Variants in PRDM10 observed in about 807,000 individuals in gnomAD.
The protein encoded by PRDM10 is PR domain zinc finger protein 10.
Under a neutral mutation model 133.1 loss-of-function variants are expected in PRDM10, and 65 were observed. The observed-to-expected ratio is 0.49, with a 90% confidence interval of 0.40 to 0.60. PRDM10 has a LOEUF of 0.60. PRDM10 is among the 20% of genes least tolerant of loss of function. The pLI is 0.00. For synonymous variants in PRDM10, 582 were observed against 580.4 expected, an observed-to-expected ratio of 1.00 and a Z score of -0.04; for missense variants, 1,137 against 1,507.1, an observed-to-expected ratio of 0.75 and a Z score of 4.07.
chr11:129,978,770 T>C (rs1937933302), intron 1 of PRDM10, among the ~76,000 whole-genome samples: 1 of 152,224 alleles, frequency 6.6e-6, no homozygotes, highest in African/African-American at 2.4e-5. Context: ...GGCACACCTT[T>C]CTTCATGCCT....
chr11:129,949,808 C>G (rs1041655960), intron 4 of PRDM10, among the ~76,000 whole-genome samples: 1 of 151,688 alleles, frequency 6.6e-6, no homozygotes, highest in Non-Finnish European at 1.5e-5. Context: ...GTAGCGGGTG[C>G]CTGTAATCCC....
At chr11:129,993,766 G>A (rs1320372785) in intron 1 of PRDM10, among the ~76,000 whole-genome samples, 2 of 152,170 alleles carry the variant, frequency 1.3e-5, no homozygotes, top group Admixed American at 1.3e-4. Context: ...TTACAGGCGT[G>A]AGCCACCGCG....
intron 19 of PRDM10, among the ~76,000 whole-genome samples, chr11:129,906,327 C>T (rs1271859952): frequency 1.3e-5 from 2 of 152,052 alleles, no homozygotes; most frequent in Non-Finnish European, 2.9e-5. Context: ...CAAGACGTGA[C>T]GAAAGGCTAT....
At chr11:130,002,120 C>T (rs1044456204) in intron 1 of PRDM10, among the ~76,000 whole-genome samples, 1 of 150,558 alleles carries the variant, frequency 6.6e-6, no homozygotes, top group Admixed American at 6.6e-5. Flanking sequence ...GAGCCCTGCC[C>T]GCACTGCCAC....
chr11:129,938,492 C>T (rs1374608744), intron 7 of PRDM10, among the ~76,000 whole-genome samples: 3 of 152,146 alleles, frequency 2.0e-5, no homozygotes, highest in Non-Finnish European at 4.4e-5. Context: ...GCAAGGACTA[C>T]CGCTCCCTCG....
Position 129,918,523 on chromosome 11 carries a change from G to A in PRDM10, c.2214+16C>T, listed in dbSNP as rs374231801. 2 of 1,608,190 alleles carry A rather than the reference G, an allele frequency of 1.2e-6. No homozygotes were observed. The highest frequency in any genetic ancestry group is 3.4e-5 in the Admixed American group (2 of 59,006). ...TGCTGGGAAGACAGAGGAACCCGCA[G>A]CCACTGGGCACTGACCAGCATGCCG... On this transcript the variant is annotated intron_variant, in intron 14 of 20. Coordinates refer to ENST00000360871, the MANE Select transcript of PRDM10 (RefSeq NM_199437.2). The surrounding 1 kb of genome is among the most constrained non-coding windows in gnomAD (Gnocchi z 5.3).
intron 18 of PRDM10, among the ~76,000 whole-genome samples, chr11:129,911,023 G>A (rs10791056): frequency 0.17 from 25,196 of 152,096 alleles, 3,161 homozygotes; most frequent in East Asian, 0.45. Context: ...TGATCCACCC[G>A]CCTCGGCCTC....
Position 129,957,607 on chromosome 11 carries a change from G to A in PRDM10, c.234+139C>T, listed in dbSNP as rs1042843423. On this transcript the variant is annotated intron_variant, in intron 3 of 20. Transcript: ENST00000360871. ...GCTGGGATTACAGGCATGAGCCACC[G>A]CGCCTGGCTGAGAGCACAGATCTTA... The A allele has an allele frequency of 2.4e-5, 25 of 1,042,558 alleles. No homozygotes were observed. In the South Asian group the frequency reaches 2.7e-4, roughly 11 times the overall value. The allele number at this position is 1,042,558 out of a possible 1,614,324, so 64.6% of individuals were successfully genotyped here.
chr11:129,987,497 A>G (rs1478438483), intron 1 of PRDM10, among the ~76,000 whole-genome samples: 2 of 152,236 alleles, frequency 1.3e-5, no homozygotes, highest in Admixed American at 6.5e-5. Flanking sequence ...AAGACTAAAC[A>G]TAGACACACC....
intron 2 of PRDM10, 28 bp downstream of exon 2, chr11:129,960,868 T>C: frequency 6.2e-7 from 1 of 1,613,338 alleles, no homozygotes; most frequent in Admixed American, 1.7e-5. Context: ...AACCTCTCAA[T>C]ACCAAGCTGG....
intron 10 of PRDM10, among the ~76,000 whole-genome samples, chr11:129,931,606 T>TG (rs1950865300): frequency 1.3e-5 from 2 of 151,392 alleles, no homozygotes; most frequent in Admixed American, 6.6e-5. Flanking sequence ...TCTCGCTCTG[T>TG]CCCCAGGCTG....
intron 1 of PRDM10, among the ~76,000 whole-genome samples, chr11:129,977,400 C>T (rs1266544181): frequency 6.6e-6 from 1 of 152,140 alleles, no homozygotes; most frequent in Non-Finnish European, 1.5e-5. Flanking sequence ...TATCCTGCCT[C>T]AGCCTCCCCA....
At chr11:129,992,365 T>A (rs562106667) in intron 1 of PRDM10, among the ~76,000 whole-genome samples, 7 of 152,248 alleles carry the variant, frequency 4.6e-5, no homozygotes, top group African/African-American at 1.7e-4. Flanking sequence ...TTTAAATACC[T>A]GATCTCAATT....
intron 1 of PRDM10, among the ~76,000 whole-genome samples, chr11:129,971,233 A>G (rs183308068): frequency 6.6e-6 from 1 of 152,300 alleles, no homozygotes; most frequent in African/African-American, 2.4e-5. Context: ...CAAAGCTCCC[A>G]CGGTGTGGAA....
At chr11:129,909,965 T>C (rs1950134405) in intron 19 of PRDM10, among the ~76,000 whole-genome samples, 2 of 152,230 alleles carry the variant, frequency 1.3e-5, no homozygotes, top group South Asian at 4.1e-4. Flanking sequence ...GCCTTATCTG[T>C]AAAATGCAAA....
intron 1 of PRDM10, among the ~76,000 whole-genome samples, chr11:129,986,114 A>G (rs1389095096): frequency 6.6e-6 from 1 of 151,962 alleles, no homozygotes; most frequent in African/African-American, 2.4e-5. Context: ...TGTGCCTCCA[A>G]CCTGTATTAG....
intron 19 of PRDM10, 28 bp downstream of exon 19, chr11:129,910,448 C>G: frequency 6.2e-7 from 1 of 1,612,822 alleles, no homozygotes; most frequent in Non-Finnish European, 8.5e-7. Context: ...CACCCCTGAC[C>G]GACACGGCAT....
intron 3 of PRDM10, among the ~76,000 whole-genome samples, chr11:129,956,763 C>A (rs968574372): frequency 6.6e-6 from 1 of 152,076 alleles, no homozygotes; most frequent in Non-Finnish European, 1.5e-5. Context: ...ACTAATTAGG[C>A]GGGCCTCATT....
At chr11:129,943,830 T>TA (rs1448825749) in intron 6 of PRDM10, among the ~76,000 whole-genome samples, 1 of 151,790 alleles carries the variant, frequency 6.6e-6, no homozygotes, top group African/African-American at 2.4e-5. Flanking sequence ...TCCTCTCTAC[T>TA]AAAAACACAA....
Sources: allele counts gnomAD v4.1 joint callset (sites outside exome capture counted in the v4.1 genomes callset), GRCh38; gene constraint gnomAD v4.1.1; non-coding constraint Gnocchi (gnomAD v3.1); transcripts MANE v1.5; gene names NCBI Gene and HGNC (gene_info 2026-07-23, HGNC 2026-07-21).